MALRD1: variants seen among roughly 807,000 people sequenced by gnomAD.
MALRD1 encodes MAM and LDL receptor class A domain containing 1.
Under a neutral mutation model 242.1 loss-of-function variants are expected in MALRD1, and 247 were observed. The observed-to-expected ratio is 1.02, with a 90% CI of 0.92 to 1.13. The LOEUF (loss-of-function observed/expected upper bound fraction) is 1.13. MALRD1 is among the 50% of genes most tolerant of loss of function. MALRD1 has a pLI of 0.00. For missense variants in MALRD1, 2,989 were observed against 2,533.1 expected (o/e 1.18, Z -3.86); for synonymous variants, 995 against 866.6 (o/e 1.15, Z -2.60).
chr10:19,358,586 G>GAATCTACTAATCTAC (rs1395559994), intron 26 of MALRD1, among the ~76,000 whole-genome samples: 1 of 152,194 alleles, frequency 6.6e-6, no homozygotes, highest in Non-Finnish European at 1.5e-5. Context: ...TACTAACTGT[G>GAATCTACTAATCTAC]TGATGTCAGC....
chr10:19,655,938 T>C (rs907268012), intron 36 of MALRD1, among the ~76,000 whole-genome samples: 6 of 152,154 alleles, frequency 3.9e-5, no homozygotes, highest in African/African-American at 1.4e-4. Context: ...TACCTGGCTC[T>C]GATGCTGTCT....
chr10:19,705,089 A>G (rs953774450), intron 38 of MALRD1, among the ~76,000 whole-genome samples: 1 of 152,212 alleles, frequency 6.6e-6, no homozygotes. Context: ...CCTGGCCCCA[A>G]ATGAAATATC....
intron 21 of MALRD1, among the ~76,000 whole-genome samples, chr10:19,298,359 A>T (rs1035665118): frequency 6.6e-6 from 1 of 151,972 alleles, no homozygotes; most frequent in African/African-American, 2.4e-5. Context: ...ACCTCCCAGC[A>T]CTGCCACACT....
At chr10:19,130,811 C>T (rs1339248509) in intron 8 of MALRD1, among the ~76,000 whole-genome samples, 5 of 151,982 alleles carry the variant, frequency 3.3e-5, no homozygotes, top group Non-Finnish European at 5.9e-5. Flanking sequence ...GCTTTAGAAC[C>T]ATACAAGAAA....
chr10:19,112,055 G>C (rs965524515), intron 5 of MALRD1, among the ~76,000 whole-genome samples: 1 of 151,876 alleles, frequency 6.6e-6, no homozygotes, highest in Non-Finnish European at 1.5e-5. Flanking sequence ...TTAATCATCA[G>C]AATCACATCA....
In MALRD1 at chr10:19,338,884, C is replaced by A. The variant is rs55898961; in HGVS notation, c.3901+7302C>A. Among the ~76,000 whole-genome samples, 78 of 149,920 alleles carry A rather than the reference C, an allele frequency of 5.2e-4. 1 individual carries two copies. In the South Asian group the frequency reaches 0.015, roughly 28 times the overall value. On this transcript the variant is annotated intron_variant, in intron 24 of 39. Transcript: ENST00000454679. ...ATGTATATATATATACACACACACA[C>A]GCACATATATACATATATTATATAT...
chr10:19,121,659 A>T (rs1837070524), intron 5 of MALRD1, among the ~76,000 whole-genome samples: 1 of 152,196 alleles, frequency 6.6e-6, no homozygotes, highest in Admixed American at 6.5e-5. Context: ...TAAATAGCCG[A>T]GCAGAGATGA....
chr10:19,567,148 C>T (rs1836290816), intron 32 of MALRD1, among the ~76,000 whole-genome samples: 1 of 152,120 alleles, frequency 6.6e-6, no homozygotes, highest in Non-Finnish European at 1.5e-5. Context: ...TCCTCTTTTT[C>T]TGCAGTCACA....
intron 14 of MALRD1, among the ~76,000 whole-genome samples, chr10:19,186,171 G>C (rs74118834): frequency 0.01 from 1,540 of 152,158 alleles, 26 homozygotes; most frequent in African/African-American, 0.035. Flanking sequence ...GGGAAAAAAG[G>C]CTATCTAGTT....
intron 18 of MALRD1, among the ~76,000 whole-genome samples, chr10:19,235,760 A>G (rs1176768557): frequency 1.3e-5 from 2 of 152,144 alleles, no homozygotes; most frequent in East Asian, 3.9e-4. Flanking sequence ...AACAGGGATC[A>G]TTCAGGATTC....
At chr10:19,729,607 G>A (rs1000668162) in intron 38 of MALRD1, among the ~76,000 whole-genome samples, 2 of 150,034 alleles carry the variant, frequency 1.3e-5, no homozygotes, top group Non-Finnish European at 3.0e-5. Flanking sequence ...GTGTGTGTGT[G>A]TGTGTGTATT....
intron 11 of MALRD1, among the ~76,000 whole-genome samples, chr10:19,153,349 A>C (rs1240888706): frequency 2.0e-5 from 3 of 152,212 alleles, no homozygotes; most frequent in Admixed American, 6.5e-5. Flanking sequence ...ACCTAATATG[A>C]ATCAGGGAGC....
At chr10:19,624,195 A>G (rs1839537006) in intron 36 of MALRD1, among the ~76,000 whole-genome samples, 1 of 152,126 alleles carries the variant, frequency 6.6e-6, no homozygotes, top group Non-Finnish European at 1.5e-5. Context: ...ACACTGTGAA[A>G]ATACATGTCC....
At chr10:19,382,029 G>C (rs1845859147) in intron 26 of MALRD1, among the ~76,000 whole-genome samples, 1 of 152,068 alleles carries the variant, frequency 6.6e-6, no homozygotes. Flanking sequence ...GTATACTTGA[G>C]AAATAGCTTA....
In MALRD1 at chr10:19,203,871, G is replaced by T. The variant is rs972394336; in HGVS notation, c.2095G>T (p.Ala699Ser). 3 of 1,550,424 alleles carry T rather than the reference G, an allele frequency of 1.9e-6. 1 individual carries two copies. The highest frequency in any genetic ancestry group is 2.4e-5 in the South Asian group (2 of 84,064). ...TCCACCTCGGGATCATAGTCTCAAC[G>T]CATCTCAAGGTAAGAAGCAAACAGG... ...QAPPRDHSLN[A>S]SQGHFMFILK... The change falls in exon 15 of 40, where the codon GCA becomes TCA. Residue 699 changes from alanine (A) to serine (S), a missense_variant. Transcript: ENST00000454679.
intron 18 of MALRD1, among the ~76,000 whole-genome samples, chr10:19,214,652 T>C (rs1054573146): frequency 3.3e-5 from 5 of 152,188 alleles, no homozygotes; most frequent in African/African-American, 1.2e-4. Context: ...TCGGTTTTCA[T>C]CTCTAAAGAA....
chr10:19,282,231 C>T (rs980045268), intron 20 of MALRD1, among the ~76,000 whole-genome samples: 4 of 152,252 alleles, frequency 2.6e-5, no homozygotes, highest in Middle Eastern at 3.4e-3. Context: ...TTTAGATTAA[C>T]TAATACGCCT....
At chr10:19,682,091 A>C (rs925925201) in intron 36 of MALRD1, among the ~76,000 whole-genome samples, 6 of 152,168 alleles carry the variant, frequency 3.9e-5, no homozygotes, top group African/African-American at 1.2e-4. Context: ...TAAATAAATA[A>C]AACTTTTTGT....
At chr10:19,343,160 A>G (rs1195447607) in intron 24 of MALRD1, among the ~76,000 whole-genome samples, 1 of 152,142 alleles carries the variant, frequency 6.6e-6, no homozygotes, top group Non-Finnish European at 1.5e-5. Context: ...ATTACTTCAC[A>G]GAATAACAAA....
Sources: allele counts gnomAD v4.1 joint callset (sites outside exome capture counted in the v4.1 genomes callset), GRCh38; gene constraint gnomAD v4.1.1; transcripts MANE v1.5; gene names NCBI Gene and HGNC (gene_info 2026-07-23, HGNC 2026-07-21).